STRA8: variants seen among roughly 807,000 people sequenced by gnomAD.
STRA8 encodes stimulated by retinoic acid gene 8 protein homolog.
Under a neutral mutation model 37.1 loss-of-function variants are expected in STRA8, and 18 were observed. The observed-to-expected ratio is 0.48, with a 90% CI of 0.34 to 0.72. The LOEUF is 0.72. Among genes scored for constraint, STRA8 ranks in the 30% least tolerant of loss-of-function variants. The probability of loss-of-function intolerance (pLI) is 0.01; values close to 1 mark genes in which losing one functional copy is unlikely to be tolerated. For synonymous variants in STRA8, 168 were observed against 162.9 expected (o/e 1.03, Z -0.24); for missense variants, 357 against 410.4 (o/e 0.87, Z 1.13).
intron 1 of STRA8, among the ~76,000 whole-genome samples, chr7:135,239,137 A>G (rs1409938297): frequency 6.6e-6 from 1 of 152,156 alleles, no homozygotes; most frequent in Non-Finnish European, 1.5e-5. Context: ...TCATTGGCCT[A>G]TTTTCCATAC....
intron 1 of STRA8, among the ~76,000 whole-genome samples, 171 bp downstream of exon 1, chr7:135,234,074 T>A (rs1038838600): frequency 6.6e-6 from 1 of 151,184 alleles, no homozygotes; most frequent in South Asian, 2.1e-4. Flanking sequence ...TTGAGAGTGA[T>A]TCTGGATGAT....
chr7:135,234,091 G>GATTATTATTATT (rs1405282437), intron 1 of STRA8, among the ~76,000 whole-genome samples, 188 bp downstream of exon 1: 1 of 148,892 alleles, frequency 6.7e-6, no homozygotes, highest in African/African-American at 2.5e-5. Context: ...TGATGATGAT[G>GATTATTATTATT]ATGATGATGA....
chr7:135,234,097 G>GATTATT (rs1360906482), intron 1 of STRA8, among the ~76,000 whole-genome samples, 194 bp downstream of exon 1: 58 of 146,762 alleles, frequency 4.0e-4, no homozygotes, highest in African/African-American at 1.4e-3. Flanking sequence ...TGATGATGAT[G>GATTATT]ATGATGATTA....
chr7:135,252,095 G>A (rs1280176774), intron 7 of STRA8, among the ~76,000 whole-genome samples: 1 of 151,120 alleles, frequency 6.6e-6, no homozygotes, highest in Non-Finnish European at 1.5e-5. Flanking sequence ...TCCCTAGATG[G>A]GTGTTGTATT....
At chr7:135,232,127 G>GT, upstream of STRA8, 4 of 1,025,426 alleles carry the variant, frequency 3.9e-6, no homozygotes, top group Non-Finnish European at 6.1e-6. Flanking sequence ...GTTGGGGCGG[G>GT]AGGTGGGGTG....
intron 8 of STRA8, among the ~76,000 whole-genome samples, chr7:135,256,875 C>T (rs73446227): frequency 0.011 from 1,645 of 152,304 alleles, 42 homozygotes; most frequent in African/African-American, 0.038. Context: ...TGCCTCAGTG[C>T]TGCAAGAACG....
rs969145646 is a variant in STRA8 at position 135,242,802 on chromosome 7, A to G, written c.214A>G (p.Lys72Glu). 6.2e-7 allele frequency: 1 copy of G among 1,614,074 alleles called. No homozygotes were observed. Among genetic ancestry groups the G allele is most frequent in the African/African-American group, 1.3e-5 (1 of 74,932 alleles). ...ASKWQVLNKA[K>E]SHIPELEQTL... ...TCAGTGGCAGGTTCTGAATAAGGCA[A>G]AGAGTCATATTCCAGAACTGGAGCA... Residue 72 changes from lysine to glutamate, a missense_variant, in exon 3 of 9, where the codon AAG (lysine) becomes GAG (glutamate). By Grantham distance (56) the Lys-to-Glu change is moderately conservative. Coordinates refer to ENST00000662584, the MANE Select transcript of STRA8 (RefSeq NM_001394401.1).
intron 1 of STRA8, among the ~76,000 whole-genome samples, chr7:135,239,303 G>C (rs1188670630): frequency 1.3e-5 from 2 of 152,208 alleles, no homozygotes; most frequent in African/African-American, 4.8e-5. Flanking sequence ...CACCCTGGGA[G>C]CTGCACGCTG....
At chr7:135,233,218 T>C (rs1305345343), upstream of STRA8, among the ~76,000 whole-genome samples, 1 of 152,186 alleles carries the variant, frequency 6.6e-6, no homozygotes, top group Non-Finnish European at 1.5e-5. Flanking sequence ...CTTTTCTCTC[T>C]TATTCTTGAT....
chr7:135,236,591 G>C (rs1367379982), intron 1 of STRA8, among the ~76,000 whole-genome samples: 4 of 152,128 alleles, frequency 2.6e-5, no homozygotes, highest in South Asian at 2.1e-4. Context: ...AGGATATCCA[G>C]CTTCTTCACC....
intron 7 of STRA8, among the ~76,000 whole-genome samples, chr7:135,252,318 C>T (rs535296867): frequency 1.2e-4 from 18 of 152,188 alleles, no homozygotes; most frequent in Middle Eastern, 3.4e-3. Flanking sequence ...TTCAAATAAC[C>T]AGATCTTGTG....
At chr7:135,232,140 T>TA (rs1832302617), upstream of STRA8, 22 of 1,103,368 alleles carry the variant, frequency 2.0e-5, 1 homozygote, top group South Asian at 2.8e-4. Context: ...GTGGGGTGAC[T>TA]ACATGAAAGG....
At chr7:135,241,326 G>A (rs933060120) in intron 2 of STRA8, among the ~76,000 whole-genome samples, 1 of 152,172 alleles carries the variant, frequency 6.6e-6, no homozygotes, top group African/African-American at 2.4e-5. Flanking sequence ...TCATGCAGCT[G>A]CGGTTCCCTT....
Position 135,236,337 on chromosome 7 carries a change from A to G in STRA8, c.-7+2434A>G, listed in dbSNP as rs1832378421. Among the ~76,000 whole-genome samples, 2 of 152,010 alleles carry G rather than the reference A, an allele frequency of 1.3e-5. 1 individual carries two copies. Among genetic ancestry groups the G allele is most frequent in the Admixed American group, 1.3e-4 (2 of 15,252 alleles). On this transcript the variant is annotated intron_variant, in intron 1 of 8. Coordinates refer to ENST00000662584, the MANE Select transcript of STRA8 (RefSeq NM_001394401.1). Reference sequence around the variant, plus strand: ...GATTTCTTGCCTCATCCAAAATCACAAAGTCACAAGGTTGGTTAGCCTGAA... The same window carrying G: ...GATTTCTTGCCTCATCCAAAATCACGAAGTCACAAGGTTGGTTAGCCTGAA...
At chr7:135,242,722 A>C in intron 2 of STRA8, 59 bp from the exon 3 acceptor site, 7 of 1,574,696 alleles carry the variant, frequency 4.4e-6, no homozygotes, top group South Asian at 1.1e-5. Flanking sequence ...TCCTGGGTCC[A>C]CAAAATCAGT....
At chr7:135,256,485 C>A (rs1469040723) in intron 8 of STRA8, among the ~76,000 whole-genome samples, 3 of 152,160 alleles carry the variant, frequency 2.0e-5, no homozygotes, top group African/African-American at 7.2e-5. Context: ...GAAAAGATAA[C>A]AAGCAGGGAT....
At chr7:135,235,396 C>CTTT (rs3039083) in intron 1 of STRA8, among the ~76,000 whole-genome samples, 2 of 142,416 alleles carry the variant, frequency 1.4e-5, no homozygotes, top group African/African-American at 5.2e-5. Flanking sequence ...TTATGAGTGG[C>CTTT]TTTTTTTTTT....
At chr7:135,249,619 T>C (rs906479314) in intron 6 of STRA8, among the ~76,000 whole-genome samples, 1 of 152,160 alleles carries the variant, frequency 6.6e-6, no homozygotes, top group African/African-American at 2.4e-5. Flanking sequence ...ATATATGCCA[T>C]CTAGGTTTGC....
intron 1 of STRA8, among the ~76,000 whole-genome samples, chr7:135,235,927 A>G (rs1832369522): frequency 1.3e-5 from 2 of 152,034 alleles, no homozygotes; most frequent in African/African-American, 4.8e-5. Flanking sequence ...CGGGCAACAT[A>G]GTGAGACCCT....
Sources: allele counts gnomAD v4.1 joint callset (sites outside exome capture counted in the v4.1 genomes callset), GRCh38; gene constraint gnomAD v4.1.1; transcripts MANE v1.5; gene names NCBI Gene and HGNC (gene_info 2026-07-23, HGNC 2026-07-21).